Variants in GSKIP observed in about 807,000 individuals in gnomAD.
GSKIP encodes GSK3B interacting protein, also known as GSK3B-interacting protein.
Under a neutral mutation model 11.9 loss-of-function variants are expected in GSKIP, and 5 were observed. The ratio of observed to expected loss-of-function variants is 0.42; its 90% CI spans 0.22 to 0.89. The LOEUF is 0.89. Among genes scored for constraint, GSKIP ranks in the 40% least tolerant of loss-of-function variants. GSKIP has a pLI of 0.29. For missense variants in GSKIP, 150 were observed against 166.6 expected (o/e 0.90, Z 0.55); for synonymous variants, 70 against 62.9 (o/e 1.11, Z -0.54).
In GSKIP at chr14:96,385,606, C is replaced by A. The variant is rs1303057221; in HGVS notation, c.342C>A (p.Leu114=). The A allele has an allele frequency of 6.2e-7, 1 of 1,613,378 alleles. No homozygotes were observed. The highest frequency in any genetic ancestry group is 8.5e-7 in the Non-Finnish European group (1 of 1,179,508). ...HETVYSLLDT[L]SPAYREAFGN... ...CAGTCTACTCCTTGTTGGATACACT[C>A]AGCCCCGCCTACCGAGAAGCATTTG... The change falls in exon 4 of 4, where the codon CTC becomes CTA. Residue 114 remains leucine, a synonymous_variant. Coordinates refer to ENST00000555181, the MANE Select transcript of GSKIP (RefSeq NM_016472.5).
chr14:96,374,177 A>C (rs1163443290), intron 1 of GSKIP, among the ~76,000 whole-genome samples: 1 of 152,128 alleles, frequency 6.6e-6, no homozygotes, highest in Non-Finnish European at 1.5e-5. Context: ...AAAAGACACA[A>C]ATAGAATAGA....
intron 2 of GSKIP, among the ~76,000 whole-genome samples, chr14:96,380,789 G>A (rs1040865228): frequency 2.6e-5 from 4 of 152,170 alleles, no homozygotes; most frequent in African/African-American, 9.7e-5. Context: ...TTGAGCTCAG[G>A]AGTTCTAGGC....
chr14:96,366,646 A>C (rs1002523523), intron 1 of GSKIP, among the ~76,000 whole-genome samples: 2 of 152,364 alleles, frequency 1.3e-5, no homozygotes, highest in Non-Finnish European at 2.9e-5. Context: ...TAATCCCAGC[A>C]CTTTGGAAGG....
chr14:96,372,153 G>A (rs1889064918), intron 1 of GSKIP, among the ~76,000 whole-genome samples: 1 of 152,148 alleles, frequency 6.6e-6, no homozygotes, highest in East Asian at 1.9e-4. Flanking sequence ...TATTTTCCAA[G>A]AATATCTGCC....
intron 2 of GSKIP, chr14:96,380,208 A>C (rs916122708): frequency 6.6e-6 from 1 of 152,230 alleles, no homozygotes; most frequent in African/African-American, 2.4e-5. Flanking sequence ...CTAATTCTGT[A>C]AAGTGCTGTG....
intron 3 of GSKIP, 26 bp downstream of exon 3, chr14:96,382,531 A>C: frequency 6.4e-7 from 1 of 1,564,604 alleles, no homozygotes; most frequent in South Asian, 1.2e-5. Flanking sequence ...TTTTAGAAAA[A>C]AAAATTATTT....
In GSKIP at chr14:96,385,441, T is replaced by C. The variant is rs895029340; in HGVS notation, c.259-82T>C. 19 of 1,052,820 alleles carry C rather than the reference T, an allele frequency of 1.8e-5. No homozygotes were observed. The Admixed American group carries it at 4.2e-4, about 23-fold the overall frequency. 65.2% of individuals were successfully genotyped at this position (1,052,820 alleles called of 1,614,324 possible). On this transcript the variant is annotated intron_variant, in intron 3 of 3. Transcript: ENST00000555181. ...GAAATAATTTATTTTTTTGAAAGGATGATTACTCACATAAACACTTGGATT... is the reference window on the plus strand; with the variant it reads ...GAAATAATTTATTTTTTTGAAAGGACGATTACTCACATAAACACTTGGATT...
chr14:96,375,488 C>T (rs928725821), intron 1 of GSKIP, among the ~76,000 whole-genome samples: 24 of 149,354 alleles, frequency 1.6e-4, no homozygotes, highest in African/African-American at 3.7e-4. Context: ...GGCTAGAGTA[C>T]AGTGGCGCAA....
intron 1 of GSKIP, among the ~76,000 whole-genome samples, chr14:96,378,601 CAATAG>C (rs1158261145): frequency 6.6e-6 from 1 of 152,146 alleles, no homozygotes; most frequent in Non-Finnish European, 1.5e-5. Flanking sequence ...ATTATAGTAG[CAATAG>C]GACACTAATT....
chr14:96,370,664 A>G (rs889832185), intron 1 of GSKIP, among the ~76,000 whole-genome samples: 1 of 151,996 alleles, frequency 6.6e-6, no homozygotes, highest in African/African-American at 2.4e-5. Context: ...CTATCTGTCT[A>G]TCTCCCCCAC....
intron 1 of GSKIP, among the ~76,000 whole-genome samples, chr14:96,367,251 A>G (rs555998694): frequency 1.3e-5 from 2 of 152,346 alleles, no homozygotes; most frequent in South Asian, 2.1e-4. Context: ...AAGAGGAGGA[A>G]TGTGTGACTG....
chr14:96,380,357 T>C (rs1015311952), intron 2 of GSKIP: 1 of 152,246 alleles, frequency 6.6e-6, no homozygotes, highest in Non-Finnish European at 1.5e-5. Flanking sequence ...GTTCTGACTT[T>C]TGTAATGTGC....
intron 1 of GSKIP, among the ~76,000 whole-genome samples, chr14:96,370,706 C>T (rs962831614): frequency 1.3e-5 from 2 of 152,186 alleles, no homozygotes; most frequent in Non-Finnish European, 2.9e-5. Context: ...GATCTTCACA[C>T]ACTGGCTCCC....
chr14:96,373,246 AAAAAAAG>A (rs1291730709), intron 1 of GSKIP, among the ~76,000 whole-genome samples: 2,492 of 150,338 alleles, frequency 0.017, 68 homozygotes, highest in African/African-American at 0.058. Context: ...AAAAAAAAAA[AAAAAAAG>A]AAAGGAGGAT....
chr14:96,374,230 C>T (rs745529040), intron 1 of GSKIP, among the ~76,000 whole-genome samples: 3 of 151,862 alleles, frequency 2.0e-5, no homozygotes, highest in Non-Finnish European at 4.4e-5. Flanking sequence ...TATCAATAAA[C>T]AATTCAAAAT....
rs928852847 is a variant in GSKIP, at chr14:96,386,245, A to G, written c.*561A>G. On this transcript the variant is annotated 3_prime_UTR_variant, in exon 4 of 4. Transcript: ENST00000555181. ...GGATTAATAAAGATGAATTAATTAT[A>G]TATTACTTAACTAGTATTAAATGAA... The G allele has an allele frequency of 6.6e-6, 1 of 152,406 alleles. No individual in the cohort carries two copies. Among genetic ancestry groups the G allele is most frequent in the African/African-American group, 2.4e-5 (1 of 41,470 alleles). The allele number at this position is 152,406 out of a possible 1,614,324, so 9.4% of individuals were successfully genotyped here.
rs1888759130 is a variant in GSKIP, at chr14:96,363,579, G to A, written c.-103+11G>A. ...ACGCCGGGCGCGCAGGTGAGCGGCAGCCGGGGTGGCTGCGGGCGAGGGGCG... is the reference window on the plus strand; with the variant it reads ...ACGCCGGGCGCGCAGGTGAGCGGCAACCGGGGTGGCTGCGGGCGAGGGGCG... On this transcript the variant is annotated intron_variant, in intron 1 of 3. Coordinates refer to ENST00000555181, the MANE Select transcript of GSKIP (RefSeq NM_016472.5). The A allele has an allele frequency of 6.5e-6, 1 of 152,720 alleles. No individual in the cohort carries two copies. The highest frequency in any genetic ancestry group is 1.5e-5 in the Non-Finnish European group (1 of 68,332). 9.5% of individuals were successfully genotyped at this position (152,720 alleles called of 1,614,324 possible).
chr14:96,386,301 T>C lies in GSKIP; in HGVS notation c.*617T>C, dbSNP rs894576816. The C allele has an allele frequency of 2.0e-5, 3 of 152,590 alleles. No individual in the cohort carries two copies. The highest frequency in any genetic ancestry group is 7.2e-5 in the African/African-American group (3 of 41,454). The allele number at this position is 152,590 out of a possible 1,614,324, so 9.5% of individuals were successfully genotyped here. On this transcript the variant is annotated 3_prime_UTR_variant, in exon 4 of 4. Coordinates refer to ENST00000555181, the MANE Select transcript of GSKIP (RefSeq NM_016472.5). Reference sequence around the variant, plus strand: ...GGGACTGAAATAGTTCTGTATTCCGTGTTTGCAACAGCCAGCCAACTAAGC... The same window carrying C: ...GGGACTGAAATAGTTCTGTATTCCGCGTTTGCAACAGCCAGCCAACTAAGC...
intron 2 of GSKIP, chr14:96,380,245 CATT>C (rs1391419939): frequency 6.6e-6 from 1 of 152,174 alleles, no homozygotes; most frequent in African/African-American, 2.4e-5. Context: ...GTCTTTAAAA[CATT>C]ATTAATTGAA....
Sources: gnomAD v4.1 joint callset for allele counts (sites outside exome capture counted in the v4.1 genomes callset) on GRCh38, gnomAD v4.1.1 for gene constraint, MANE v1.5 for transcripts, NCBI Gene and HGNC (gene_info 2026-07-23, HGNC 2026-07-21) for gene names.